PDE4DIP: variants seen among roughly 807,000 people sequenced by gnomAD.
The protein encoded by PDE4DIP is myomegalin.
A neutral mutation model predicts 221.4 loss-of-function variants in PDE4DIP; 59 were observed. The ratio of observed to expected loss-of-function variants is 0.27; its 90% confidence interval spans 0.22 to 0.33. The LOEUF is 0.33. Ranked by LOEUF, PDE4DIP falls within the 10% of genes least tolerant of loss-of-function variation. The probability of loss-of-function intolerance (pLI) is 1.00; values close to 1 mark genes in which losing one functional copy is unlikely to be tolerated. For synonymous variants in PDE4DIP, 404 were observed against 815.9 expected (o/e 0.50, Z 8.60); for missense variants, 1,036 against 2,154.2 (o/e 0.48, Z 10.28).
chr1:148,815,048 C>T (rs1663859), intron 1 of PDE4DIP, among the ~76,000 whole-genome samples: 8,980 of 51,296 alleles, frequency 0.18, 30 homozygotes, highest in Non-Finnish European at 0.25. Flanking sequence ...TCTATTTGGT[C>T]GGAGTTAAGT....
At chr1:148,922,694 T>G (rs1162983716) in intron 1 of PDE4DIP, among the ~76,000 whole-genome samples, 3 of 148,738 alleles carry the variant, frequency 2.0e-5, no homozygotes, top group Admixed American at 2.0e-4. Flanking sequence ...TTCACACCGT[T>G]CTCCTGCCTC....
chr1:149,024,369 A>C (rs2074394744), intron 37 of PDE4DIP, 76 bp from the exon 41 acceptor site: 1 of 1,139,962 alleles, frequency 8.8e-7, no homozygotes, highest in Non-Finnish European at 1.3e-6. Flanking sequence ...TTGGCAGAAA[A>C]GAATGTCACA....
intron 9 of PDE4DIP, among the ~76,000 whole-genome samples, chr1:148,963,748 CTTTTTTT>C (rs66921099): frequency 1.1e-5 from 1 of 89,098 alleles, no homozygotes; most frequent in Non-Finnish European, 2.1e-5. Flanking sequence ...TTCTTTCCTT[CTTTTTTT>C]TTTTTTTTTT....
At chr1:148,902,948 T>C (rs2040994384) in intron 1 of PDE4DIP, among the ~76,000 whole-genome samples, 1 of 145,034 alleles carries the variant, frequency 6.9e-6, no homozygotes, top group Admixed American at 7.0e-5. Flanking sequence ...GATCAAATGG[T>C]AGTTCTACTT....
intron 1 of PDE4DIP, among the ~76,000 whole-genome samples, chr1:148,820,717 G>C (rs1359949091): frequency 2.0e-5 from 3 of 148,718 alleles, no homozygotes; most frequent in Admixed American, 6.6e-5. Flanking sequence ...TTTTTTTTGG[G>C]GGGGGGGTGG....
At chr1:148,836,222 A>AC (rs11368085) in intron 1 of PDE4DIP, among the ~76,000 whole-genome samples, 26 of 150,730 alleles carry the variant, frequency 1.7e-4, no homozygotes, top group Admixed American at 8.6e-4. Flanking sequence ...TGGGCGTAGG[A>AC]CCCCCCCGAG....
intron 22 of PDE4DIP, chr1:148,992,244 A>G (rs782641595): frequency 7.9e-7 from 1 of 1,262,230 alleles, no homozygotes; most frequent in Non-Finnish European, 1.1e-6. Context: ...GCCCCTATTT[A>G]TTCTCTGTAG....
At chr1:148,964,893 C>CA (rs1253586308) in intron 9 of PDE4DIP, among the ~76,000 whole-genome samples, 1 of 137,474 alleles carries the variant, frequency 7.3e-6, no homozygotes, top group Non-Finnish European at 1.6e-5. Flanking sequence ...GACTCCATCT[C>CA]AAAAAAAAGA....
At chr1:148,901,773 G>T (rs2040698090) in intron 1 of PDE4DIP, among the ~76,000 whole-genome samples, 1 of 103,302 alleles carries the variant, frequency 9.7e-6, no homozygotes, top group Non-Finnish European at 1.9e-5. Flanking sequence ...GTTCTTTCAG[G>T]TCACTTTTTC....
At chr1:148,940,794 T>C (rs1359596001) in intron 5 of PDE4DIP, among the ~76,000 whole-genome samples, 7 of 149,658 alleles carry the variant, frequency 4.7e-5, no homozygotes, top group Non-Finnish European at 1.0e-4. Flanking sequence ...GGAAAAAAAA[T>C]TGGGCCCAAG....
chr1:148,920,115 A>G (rs1389486453), intron 1 of PDE4DIP, among the ~76,000 whole-genome samples: 1 of 141,220 alleles, frequency 7.1e-6, no homozygotes, highest in Non-Finnish European at 1.5e-5. Flanking sequence ...TTTAAAAACT[A>G]TTTATTTTTT....
intron 37 of PDE4DIP, among the ~76,000 whole-genome samples, chr1:149,022,993 T>C (rs1395967913): frequency 6.6e-6 from 1 of 152,296 alleles, no homozygotes; most frequent in Non-Finnish European, 1.5e-5. Flanking sequence ...AGAAGTTGGG[T>C]TGAGAAAGAG....
At chr1:148,991,470 T>C (rs1488336733) in intron 21 of PDE4DIP, 1 of 480,350 alleles carries the variant, frequency 2.1e-6, no homozygotes, top group African/African-American at 2.1e-5. Context: ...CTCTGAGAGA[T>C]TCAGGGCAGC....
intron 9 of PDE4DIP, among the ~76,000 whole-genome samples, chr1:148,964,400 G>A (rs1389321136): frequency 6.6e-6 from 1 of 151,960 alleles, no homozygotes; most frequent in African/African-American, 2.4e-5. Context: ...GAGCCACCAC[G>A]CTGGGCCAAA....
intron 9 of PDE4DIP, among the ~76,000 whole-genome samples, chr1:148,963,923 A>AT (rs1345088291): frequency 3.4e-5 from 5 of 145,430 alleles, no homozygotes; most frequent in African/African-American, 7.6e-5. Context: ...CGCCCGGCTA[A>AT]TTTTTTTTGC....
At chr1:149,020,671 T>G (rs2072479437) in intron 36 of PDE4DIP, 1 of 364,390 alleles carries the variant, frequency 2.7e-6, no homozygotes, top group South Asian at 4.0e-5. Context: ...CCTAGGAAGC[T>G]TCTATACTGG....
chr1:148,979,838 C>A (rs1421906007), exon 20 of PDE4DIP: 1 of 1,612,944 alleles, frequency 6.2e-7, no homozygotes, highest in African/African-American at 1.3e-5. Context: ...AGTTCCATGC[C>A]CATCCAGAGA....
At chr1:148,985,042 C>G (rs368853503) in intron 21 of PDE4DIP, 1 of 152,028 alleles carries the variant, frequency 6.6e-6, no homozygotes, top group Non-Finnish European at 1.5e-5. Flanking sequence ...ATTAGTAACC[C>G]ACACACTTGA....
At position 148,992,342 on chromosome 1, in the gene PDE4DIP, G is replaced by C. The variant is rs1210090141; in HGVS notation, c.2904+369G>C. The C allele has an allele frequency of 1.9e-6, 3 of 1,572,664 alleles. No individual in the cohort carries two copies. In the East Asian group the frequency reaches 6.8e-5, roughly 36 times the overall value. ...AACTGAAACGCACCACAGAAGACAG[G>C]GAGTCATCGAAGGGCTGCTCGGGGA... On this transcript the variant is annotated intron_variant, in intron 22 of 43. Coordinates refer to ENST00000369354, the Ensembl canonical transcript of PDE4DIP.
Sources: gnomAD v4.1 joint callset for allele counts (sites outside exome capture counted in the v4.1 genomes callset) on GRCh38, gnomAD v4.1.1 for gene constraint, MANE v1.5 for transcripts, NCBI Gene and HGNC (gene_info 2026-07-23, HGNC 2026-07-21) for gene names.